Variants in DNAJA3 observed in about 807,000 individuals in gnomAD.
DNAJA3 encodes the protein DnaJ heat shock protein family (Hsp40) member A3.
In DNAJA3, 29 loss-of-function variants were observed where a neutral mutation model predicts 54.9. The ratio of observed to expected loss-of-function variants is 0.53; its 90% CI spans 0.39 to 0.72. The LOEUF (loss-of-function observed/expected upper bound fraction) is 0.72, where lower values mean the gene tolerates loss of function less well. Among genes scored for constraint, DNAJA3 ranks in the 30% least tolerant of loss-of-function variants. The pLI is 0.00. For missense variants in DNAJA3, 708 were observed against 639.4 expected, an observed-to-expected ratio of 1.11 and a Z score of -1.16; for synonymous variants, 302 against 251.4, an observed-to-expected ratio of 1.20 and a Z score of -1.90.
intron 1 of DNAJA3, among the ~76,000 whole-genome samples, chr16:4,430,090 C>G (rs925889656): frequency 6.6e-6 from 1 of 151,600 alleles, no homozygotes; most frequent in Non-Finnish European, 1.5e-5. Context: ...GGGAGGATTG[C>G]TGGAGTCCAG....
chr16:4,450,850 G>T (rs961060458), intron 10 of DNAJA3, among the ~76,000 whole-genome samples: 2 of 152,198 alleles, frequency 1.3e-5, no homozygotes, highest in African/African-American at 2.4e-5. Context: ...CCTGGCAAAA[G>T]CGTAAGGAGA....
intron 2 of DNAJA3, among the ~76,000 whole-genome samples, chr16:4,436,222 C>G (rs933043413): frequency 1.3e-5 from 2 of 151,928 alleles, no homozygotes; most frequent in Non-Finnish European, 2.9e-5. Flanking sequence ...GGACAGGAAG[C>G]AGAGATCCTG....
At chr16:4,443,278 G>A in intron 6 of DNAJA3, 114 bp downstream of exon 6, 1 of 1,343,692 alleles carries the variant, frequency 7.4e-7, no homozygotes, top group Non-Finnish European at 1.0e-6. Context: ...GAGTGTGAGT[G>A]GGCTCTTGGT....
At position 4,456,666 on chromosome 16, in the gene DNAJA3, T is replaced by C. The variant is rs1212382917; in HGVS notation, c.*1134T>C. 2 of 152,662 alleles carry C rather than the reference T, an allele frequency of 1.3e-5. No homozygotes were observed. The highest frequency in any genetic ancestry group is 2.4e-5 in the African/African-American group (1 of 41,460). 9.5% of individuals were successfully genotyped at this position (152,662 alleles called of 1,614,324 possible). On this transcript the variant is annotated 3_prime_UTR_variant, in exon 12 of 12. Transcript: ENST00000262375. ...CAACAGTTTCCTTTTTGTTTTCCTTTATAATTCACTAAAATAAAGCATCTA... is the reference window on the plus strand; with the variant it reads ...CAACAGTTTCCTTTTTGTTTTCCTTCATAATTCACTAAAATAAAGCATCTA...
chr16:4,447,811 GTTC>G (rs1178892940), intron 8 of DNAJA3: 2 of 119,220 alleles, frequency 1.7e-5, no homozygotes, highest in Non-Finnish European at 4.0e-5. Flanking sequence ...CCAAGTGGTG[GTTC>G]TTTTTTTTTT....
At position 4,425,894 on chromosome 16, in the gene DNAJA3, T is replaced by G. The variant is rs759039304; in HGVS notation, c.13T>G (p.Cys5Gly). The change falls in exon 1 of 12, where the codon TGC becomes GGC. Residue 5 changes from cysteine (C) to glycine (G), a missense_variant. Cys to Gly is a radical substitution (Grantham distance 159). Coordinates refer to ENST00000262375, the MANE Select transcript of DNAJA3 (RefSeq NM_005147.6). Reference sequence around the variant, plus strand: ...TCCCCGGGCCAAGATGGCTGCGCGGTGCTCCACACGCTGGTTGCTGGTGGT... The same window carrying G: ...TCCCCGGGCCAAGATGGCTGCGCGGGGCTCCACACGCTGGTTGCTGGTGGT... Reference protein sequence around the residue: MAARCSTRWLLVVVG... With the variant: MAARGSTRWLLVVVG... 3 of 1,538,680 alleles carry G rather than the reference T, an allele frequency of 1.9e-6. No homozygotes were observed. The highest frequency in any genetic ancestry group is 2.4e-5 in the South Asian group (2 of 83,636).
At chr16:4,447,852 A>G (rs1328719761) in intron 8 of DNAJA3, 1 of 148,580 alleles carries the variant, frequency 6.7e-6, no homozygotes, top group Non-Finnish European at 1.5e-5. Flanking sequence ...CTTTGTCGTC[A>G]GGTGCACGCC....
chr16:4,438,218 G>A (rs1007821501), intron 3 of DNAJA3, among the ~76,000 whole-genome samples: 5 of 152,082 alleles, frequency 3.3e-5, no homozygotes, highest in African/African-American at 1.2e-4. Context: ...TGGGGAGGCT[G>A]AGGCAGGAGA....
At chr16:4,437,763 A>G in intron 3 of DNAJA3, 1 of 332,380 alleles carries the variant, frequency 3.0e-6, no homozygotes, top group Non-Finnish European at 5.5e-6. Flanking sequence ...CAGCTTGGGC[A>G]ATGTAGTAAG....
At chr16:4,451,606 A>C (rs2056978136) in intron 10 of DNAJA3, among the ~76,000 whole-genome samples, 2 of 151,698 alleles carry the variant, frequency 1.3e-5, no homozygotes, top group South Asian at 4.2e-4. Context: ...AAAATACAAA[A>C]ATTAGCTGGG....
intron 1 of DNAJA3, 26 bp from the exon 2 acceptor site, chr16:4,434,358 G>A (rs1012495405): frequency 4.3e-5 from 69 of 1,609,576 alleles, no homozygotes; most frequent in Non-Finnish European, 5.8e-5. Context: ...TTCCCAGAGT[G>A]ATTTTCTTTG....
intron 2 of DNAJA3, among the ~76,000 whole-genome samples, chr16:4,436,101 G>A (rs539991195): frequency 7.2e-5 from 11 of 152,276 alleles, no homozygotes; most frequent in Non-Finnish European, 5.9e-5. Flanking sequence ...TCTTGTGCAT[G>A]TTGGCTATTA....
intron 6 of DNAJA3, among the ~76,000 whole-genome samples, chr16:4,444,345 C>CTT (rs1290640054): frequency 4.6e-4 from 63 of 137,408 alleles, no homozygotes; most frequent in Admixed American, 8.8e-4. Flanking sequence ...TTTTTCTTTT[C>CTT]TTTTTTTTTT....
At chr16:4,448,912 C>T (rs1178792583) in intron 9 of DNAJA3, 64 bp downstream of exon 9, 4 of 1,293,304 alleles carry the variant, frequency 3.1e-6, no homozygotes, top group Non-Finnish European at 4.4e-6. Flanking sequence ...CCTTGGAGCT[C>T]TGTGGCTTGG....
intron 1 of DNAJA3, among the ~76,000 whole-genome samples, chr16:4,428,734 T>C (rs2056654174): frequency 6.6e-6 from 1 of 152,108 alleles, no homozygotes; most frequent in Non-Finnish European, 1.5e-5. Flanking sequence ...ACGTGCTGTT[T>C]TCACAGATAG....
Position 4,441,376 on chromosome 16 carries a change from T to C in DNAJA3, c.431T>C (p.Val144Ala). 6.2e-7 allele frequency: 1 copy of C among 1,611,050 alleles called. No individual in the cohort carries two copies. The highest frequency in any genetic ancestry group is 8.5e-7 in the Non-Finnish European group (1 of 1,178,558). ...KFSQLAEAYE[V>A]LSDEVKRKQY... ...CAGTGGCTCTGCCTTTCACTGTAGG[T>C]TTTGAGTGATGAGGTGAAGAGGAAG... Residue 144 changes from valine to alanine, a missense_variant and splice_region_variant, in exon 4 of 12, where the codon GTT becomes GCT. Coordinates refer to ENST00000262375, the MANE Select transcript of DNAJA3 (RefSeq NM_005147.6).
At chr16:4,440,694 G>C (rs2056827691) in intron 3 of DNAJA3, 1 of 152,340 alleles carries the variant, frequency 6.6e-6, no homozygotes, top group Admixed American at 6.5e-5. Context: ...TTGTGGGCCA[G>C]GCCCAGTGGC....
intron 1 of DNAJA3, among the ~76,000 whole-genome samples, chr16:4,427,846 A>T (rs1416475155): frequency 6.6e-6 from 1 of 151,790 alleles, no homozygotes; most frequent in Non-Finnish European, 1.5e-5. Context: ...TTTTCTGTAG[A>T]TGGGGTTTCA....
intron 10 of DNAJA3, among the ~76,000 whole-genome samples, chr16:4,451,200 CA>C (rs2056973844): frequency 6.6e-6 from 1 of 152,198 alleles, no homozygotes; most frequent in Non-Finnish European, 1.5e-5. Flanking sequence ...AGGCTGTGCC[CA>C]GGGGTCCTTG....
Sources: gnomAD v4.1 joint callset for allele counts (sites outside exome capture counted in the v4.1 genomes callset) on GRCh38, gnomAD v4.1.1 for gene constraint, MANE v1.5 for transcripts, NCBI Gene and HGNC (gene_info 2026-07-23, HGNC 2026-07-21) for gene names.